The following NR6A1 variants were observed in gnomAD, a reference collection of about 807,000 sequenced individuals.
NR6A1 encodes nuclear receptor subfamily 6 group A member 1.
Under a neutral mutation model 59.1 loss-of-function variants are expected in NR6A1, and 7 were observed. The observed-to-expected ratio is 0.12, with a 90% CI of 0.07 to 0.22. The LOEUF is 0.22. Among genes scored for constraint, NR6A1 ranks in the 10% least tolerant of loss-of-function variants. The probability of loss-of-function intolerance (pLI) is 1.00; values close to 1 mark genes in which losing one functional copy is unlikely to be tolerated. For synonymous variants in NR6A1, 243 were observed against 236.1 expected, an observed-to-expected ratio of 1.03 and a Z score of -0.27; for missense variants, 468 against 611.6, an observed-to-expected ratio of 0.77 and a Z score of 2.48.
Position 124,708,711 on chromosome 9 carries a change from T to C in NR6A1, c.142+24597A>G, listed in dbSNP as rs541759358. Among the ~76,000 whole-genome samples, 91 of 152,320 alleles carry C rather than the reference T, an allele frequency of 6.0e-4. 1 individual carries two copies. The South Asian group carries it at 0.018, about 31-fold the overall frequency. Reference sequence around the variant, plus strand: ...GTCTTTAGTGCCTTCCATGTGTATATATAAGCTGGACAAGCCCCAGGGCCA... The same window carrying C: ...GTCTTTAGTGCCTTCCATGTGTATACATAAGCTGGACAAGCCCCAGGGCCA... On this transcript the variant is annotated intron_variant, in intron 2 of 9. Transcript: ENST00000487099.
rs934555203 is a variant in NR6A1 at position 124,754,639 on chromosome 9, A to T, written c.100+16381T>A. ...AGCATTTAAGAAAAACGAGATGAAC[A>T]ACGGGTTCTGTAAGGTCTACAGATT... On this transcript the variant is annotated intron_variant, in intron 1 of 9. Coordinates refer to ENST00000487099, the MANE Select transcript of NR6A1 (RefSeq NM_033334.4). Among the ~76,000 whole-genome samples, 9 of 152,162 alleles carry T rather than the reference A, an allele frequency of 5.9e-5. No individual in the cohort carries two copies. The South Asian group carries it at 8.3e-4, about 14-fold the overall frequency.
intron 2 of NR6A1, among the ~76,000 whole-genome samples, chr9:124,569,485 A>C (rs1834377024): frequency 6.6e-6 from 1 of 152,242 alleles, no homozygotes; most frequent in Non-Finnish European, 1.5e-5. Context: ...CAGATTTAGG[A>C]AATGGAGAAT....
At chr9:124,550,068 G>A (rs902381329) in intron 3 of NR6A1, among the ~76,000 whole-genome samples, 6 of 152,080 alleles carry the variant, frequency 3.9e-5, no homozygotes, top group African/African-American at 1.4e-4. Context: ...GGGCTTGTTT[G>A]TTTTCTCAGG....
chr9:124,749,525 T>G (rs1478520026), intron 1 of NR6A1, among the ~76,000 whole-genome samples: 1 of 152,054 alleles, frequency 6.6e-6, no homozygotes, highest in Non-Finnish European at 1.5e-5. Context: ...CATTCAGATC[T>G]CAGATCACCC....
chr9:124,700,433 C>T (rs191119129), intron 2 of NR6A1, among the ~76,000 whole-genome samples: 1 of 151,750 alleles, frequency 6.6e-6, no homozygotes, highest in African/African-American at 2.4e-5. Context: ...GTTGGCAAGG[C>T]TGGTCTCGAA....
At chr9:124,561,899 G>A (rs192819528) in intron 2 of NR6A1, among the ~76,000 whole-genome samples, 2 of 152,248 alleles carry the variant, frequency 1.3e-5, no homozygotes, top group East Asian at 3.9e-4. Context: ...GTGACAGAGT[G>A]AGACTCCGTC....
rs998289024 is a variant in NR6A1 at position 124,697,727 on chromosome 9, G to A, written c.142+35581C>T. On this transcript the variant is annotated intron_variant, in intron 2 of 9. Coordinates refer to ENST00000487099, the MANE Select transcript of NR6A1 (RefSeq NM_033334.4). The stretch of plus-strand genomic sequence containing the variant: ...TAGTTTTGGAAAGAACAATTTTGGC[G>A]TTCTAGTCATTGTGGAAATAGATTT... Among the ~76,000 whole-genome samples the A allele has an allele frequency of 8.6e-5, 13 of 152,008 alleles. 1 individual carries two copies. The highest frequency in any genetic ancestry group is 3.4e-3 in the Middle Eastern group (1 of 294).
chr9:124,618,878 C>T (rs143246459), intron 2 of NR6A1, among the ~76,000 whole-genome samples: 29 of 152,242 alleles, frequency 1.9e-4, no homozygotes, highest in Non-Finnish European at 3.2e-4. Flanking sequence ...ACCCTGATTG[C>T]AGAGTTGAGG....
chr9:124,660,357 T>A (rs1433593836), intron 2 of NR6A1, among the ~76,000 whole-genome samples: 1 of 152,206 alleles, frequency 6.6e-6, no homozygotes, highest in Non-Finnish European at 1.5e-5. Context: ...AGGATGTTAG[T>A]GGTCAGCCTA....
rs558444026 is a variant in NR6A1, at chr9:124,695,368, G to C, written c.142+37940C>G. Among the ~76,000 whole-genome samples the C allele has an allele frequency of 1.1e-3, 168 of 152,210 alleles. 1 individual carries two copies. Among genetic ancestry groups the C allele is most frequent in the African/African-American group, 3.7e-3 (152 of 41,544 alleles). Reference sequence around the variant, plus strand: ...ATTACCAAAAGGTTTTTTTGTGTGTGTTTTTCTTTCGTTTGTTTGTTTTTT... The same window carrying C: ...ATTACCAAAAGGTTTTTTTGTGTGTCTTTTTCTTTCGTTTGTTTGTTTTTT... On this transcript the variant is annotated intron_variant, in intron 2 of 9. Coordinates refer to ENST00000487099, the MANE Select transcript of NR6A1 (RefSeq NM_033334.4).
At chr9:124,657,507 T>G (rs1330891721) in intron 2 of NR6A1, among the ~76,000 whole-genome samples, 1 of 152,210 alleles carries the variant, frequency 6.6e-6, no homozygotes, top group Non-Finnish European at 1.5e-5. Flanking sequence ...TTTACTGTTT[T>G]GAAACTTTAA....
rs546651352 is a variant in NR6A1, at chr9:124,522,484, G to C, written c.*221C>G. ...TGGCTGCATTCACACAAAAGCATGT[G>C]CATCATGTTGAAGGCCATACATTCA... On this transcript the variant is annotated 3_prime_UTR_variant, in exon 10 of 10. Coordinates refer to ENST00000487099, the MANE Select transcript of NR6A1 (RefSeq NM_033334.4). The C allele has an allele frequency of 2.6e-6, 1 of 384,016 alleles. No individual in the cohort carries two copies. Among genetic ancestry groups the C allele is most frequent in the South Asian group, 3.5e-5 (1 of 28,510 alleles). The allele number at this position is 384,016 out of a possible 1,614,324, so 23.8% of individuals were successfully genotyped here. A position where few individuals can be genotyped will look rare whatever the true frequency, so the allele number is the denominator to read the frequency against.
intron 8 of NR6A1, among the ~76,000 whole-genome samples, chr9:124,525,903 T>C (rs73577944): frequency 0.018 from 2,766 of 152,012 alleles, 77 homozygotes; most frequent in African/African-American, 0.062. Flanking sequence ...GAGACCTGAG[T>C]CTAAGTTTTC....
intron 2 of NR6A1, among the ~76,000 whole-genome samples, chr9:124,682,380 CT>C (rs1253966922): frequency 6.6e-6 from 1 of 152,088 alleles, no homozygotes; most frequent in East Asian, 1.9e-4. Context: ...TCTGAACTGA[CT>C]ATTAAAAAAT....
intron 2 of NR6A1, among the ~76,000 whole-genome samples, chr9:124,699,368 T>C (rs1365558954): frequency 6.6e-6 from 1 of 152,206 alleles, no homozygotes; most frequent in Non-Finnish European, 1.5e-5. Flanking sequence ...TCAGACTGGA[T>C]GGGAAATATC....
chr9:124,595,630 C>T (rs1325649896), intron 2 of NR6A1: 10 of 460,324 alleles, frequency 2.2e-5, no homozygotes, highest in Admixed American at 1.8e-4. Context: ...CTGAACTCTG[C>T]GAAGACACAA....
chr9:124,599,428 A>C (rs150029194), intron 2 of NR6A1: 22 of 406,972 alleles, frequency 5.4e-5, no homozygotes, highest in African/African-American at 2.8e-4. Flanking sequence ...TCAAAAAAAA[A>C]AAAAAAAAGT....
intron 2 of NR6A1, among the ~76,000 whole-genome samples, chr9:124,631,228 C>T (rs1396235920): frequency 6.6e-6 from 1 of 152,048 alleles, no homozygotes; most frequent in African/African-American, 2.4e-5. Context: ...AGTGATATGA[C>T]ATTAAGTAGT....
chr9:124,538,217 A>G lies in NR6A1; in HGVS notation c.699T>C (p.Ser233=). 6.2e-7 allele frequency: 1 copy of G among 1,614,210 alleles called. No homozygotes were observed. The highest frequency in any genetic ancestry group is 8.5e-7 in the Non-Finnish European group (1 of 1,180,032). Residue 233 remains serine, a synonymous_variant, in exon 6 of 10, where the codon TCT becomes TCC. Transcript: ENST00000487099. ...YQYIPHLFSY[S]GHSPLLPQQA... is the part of the protein sequence containing the mutation. ...GTTGGGGCAGAAGTGGTGAGTGGCC[A>G]GAATAGCTAAAAAGGTGCGGTATAT...
Sources: gnomAD v4.1 joint callset for allele counts (sites outside exome capture counted in the v4.1 genomes callset) on GRCh38, gnomAD v4.1.1 for gene constraint, MANE v1.5 for transcripts, NCBI Gene and HGNC (gene_info 2026-07-23, HGNC 2026-07-21) for gene names.